The following WHRN variants were observed in gnomAD, a reference collection of about 807,000 sequenced individuals.
WHRN encodes whirlin.
In WHRN, 41 loss-of-function variants were observed where a neutral mutation model predicts 68.3. The ratio of observed to expected loss-of-function variants is 0.60; its 90% CI spans 0.47 to 0.78. The LOEUF is 0.78. WHRN is among the 30% of genes least tolerant of loss of function. The pLI, the probability that WHRN is intolerant of heterozygous loss-of-function variation, is 0.00. For missense variants in WHRN, 1,243 were observed against 1,244.7 expected (o/e 1.00, Z 0.02); for synonymous variants, 560 against 561.3 (o/e 1.00, Z 0.03).
In WHRN at chr9:114,406,358, G is replaced by A. The variant is rs760384450; in HGVS notation, c.2233C>T (p.Arg745Cys). 30 of 1,613,912 alleles carry A rather than the reference G, an allele frequency of 1.9e-5. No homozygotes were observed. The highest frequency in any genetic ancestry group is 1.6e-4 in the Middle Eastern group (1 of 6,084). Residue 745 changes from arginine to cysteine, a missense_variant, in exon 9 of 12, where the codon CGC becomes TGC. By Grantham distance (180) the Arg-to-Cys change is radical. Transcript: ENST00000362057. ...VNEVRALPQT[R>C]TASTLSQLSD... ...AGCCTGGCCTTGCTGTACTCACTGC[G>A]CGTCTGGGGCAGCGCCCTCACTTCA...
intron 7 of WHRN, among the ~76,000 whole-genome samples, chr9:114,423,026 C>CA (rs1564132945): frequency 6.8e-6 from 1 of 147,838 alleles, no homozygotes; most frequent in Non-Finnish European, 1.5e-5. Context: ...AATTTACCTA[C>CA]TTTTTTTTTT....
intron 2 of WHRN, among the ~76,000 whole-genome samples, chr9:114,476,658 A>G (rs927496722): frequency 1.3e-5 from 2 of 152,106 alleles, no homozygotes; most frequent in Admixed American, 6.5e-5. Flanking sequence ...ATGCTTCCCA[A>G]GAGCAGGGCC....
intron 2 of WHRN, among the ~76,000 whole-genome samples, chr9:114,466,762 G>A (rs1350584844): frequency 2.0e-5 from 3 of 152,120 alleles, no homozygotes; most frequent in Non-Finnish European, 2.9e-5. Context: ...CAGTCGGGGG[G>A]TGACTGTTCG....
chr9:114,407,516 C>T (rs1254196961), intron 8 of WHRN, among the ~76,000 whole-genome samples: 1 of 152,222 alleles, frequency 6.6e-6, no homozygotes, highest in Non-Finnish European at 1.5e-5. Flanking sequence ...CTACCACTCC[C>T]CTCTGCCTAG....
chr9:114,432,429 C>T (rs1837502211), intron 3 of WHRN, among the ~76,000 whole-genome samples: 1 of 152,224 alleles, frequency 6.6e-6, no homozygotes, highest in Non-Finnish European at 1.5e-5. Flanking sequence ...AAAATAATTT[C>T]ATTGTTCTAA....
chr9:114,469,213 C>T (rs1223454384), intron 2 of WHRN, among the ~76,000 whole-genome samples: 1 of 152,210 alleles, frequency 6.6e-6, no homozygotes, highest in Non-Finnish European at 1.5e-5. Flanking sequence ...ACCTGGAAAG[C>T]AGGTGTGGCC....
Position 114,504,765 on chromosome 9 carries a change from A to G in WHRN, c.37T>C (p.Ser13Pro). 6.7e-7 allele frequency: 1 copy of G among 1,501,406 alleles called. No individual in the cohort carries two copies. The highest frequency in any genetic ancestry group is 1.3e-5 in the South Asian group (1 of 79,014). The allele number at this position is 1,501,406 out of a possible 1,614,324, so 93.0% of individuals were successfully genotyped here. A position where few individuals can be genotyped will look rare whatever the true frequency, so the allele number is the denominator to read the frequency against. The part of the protein sequence containing the change: ...APLDGLSVSS[S>P]STGSLGSAAG... ...GCCGAGCCCAGCGAGCCGGTGGAGG[A>G]CGAGCTCACCGACAGGCCGTCCAGC... The change falls in exon 1 of 12, where the codon TCC becomes CCC. Residue 13 changes from serine (S) to proline (P), a missense_variant. Ser to Pro is a moderately conservative substitution (Grantham distance 74). Coordinates refer to ENST00000362057, the MANE Select transcript of WHRN (RefSeq NM_015404.4).
intron 3 of WHRN, among the ~76,000 whole-genome samples, chr9:114,457,104 C>T (rs1470121731): frequency 9.9e-5 from 15 of 152,072 alleles, no homozygotes; most frequent in Admixed American, 9.8e-4. Context: ...AGTCATTATA[C>T]ATATTTACTG....
chr9:114,452,216 T>C (rs1451701685), intron 3 of WHRN, among the ~76,000 whole-genome samples: 2 of 152,362 alleles, frequency 1.3e-5, no homozygotes, highest in Non-Finnish European at 2.9e-5. Flanking sequence ...TTCACCATGC[T>C]TTTACTTAAA....
At chr9:114,452,412 G>A (rs1294026928) in intron 3 of WHRN, among the ~76,000 whole-genome samples, 1 of 152,242 alleles carries the variant, frequency 6.6e-6, no homozygotes. Context: ...GGGTTATAGG[G>A]CTAACAAGGA....
chr9:114,503,190 C>A, intron 1 of WHRN: 1 of 985,528 alleles, frequency 1.0e-6, no homozygotes, highest in South Asian at 4.7e-5. Context: ...GCCAGCAGGC[C>A]CTCAGCTGGA....
intron 1 of WHRN, among the ~76,000 whole-genome samples, chr9:114,502,791 T>C (rs1012966322): frequency 6.6e-6 from 1 of 152,192 alleles, no homozygotes; most frequent in African/African-American, 2.4e-5. Context: ...CAAGTATCTT[T>C]AGTGCATAAA....
intron 2 of WHRN, among the ~76,000 whole-genome samples, chr9:114,477,239 G>A (rs1340583193): frequency 6.6e-6 from 1 of 152,244 alleles, no homozygotes. Flanking sequence ...ACAGGAAAAG[G>A]AGAGCTGAGA....
chr9:114,460,276 C>A (rs1840136615), intron 3 of WHRN, among the ~76,000 whole-genome samples: 1 of 152,170 alleles, frequency 6.6e-6, no homozygotes, highest in Non-Finnish European at 1.5e-5. Flanking sequence ...GTACTAGATC[C>A]CTGTGTAATC....
intron 3 of WHRN, among the ~76,000 whole-genome samples, chr9:114,433,764 G>A (rs934149573): frequency 1.3e-5 from 2 of 152,128 alleles, no homozygotes; most frequent in Non-Finnish European, 2.9e-5. Flanking sequence ...GCTGGGTCTG[G>A]GTGAGCTCTT....
chr9:114,475,503 G>T (rs1444843464), intron 2 of WHRN, among the ~76,000 whole-genome samples: 1 of 152,154 alleles, frequency 6.6e-6, no homozygotes, highest in Admixed American at 6.5e-5. Context: ...CCTGAAAAGG[G>T]CTATAAAACT....
chr9:114,413,206 G>A (rs542279082), intron 7 of WHRN, among the ~76,000 whole-genome samples: 1 of 152,366 alleles, frequency 6.6e-6, no homozygotes, highest in African/African-American at 2.4e-5. Flanking sequence ...AAGGCAGAGG[G>A]AGAAAGAGAT....
chr9:114,409,031 T>C (rs1835238697), intron 7 of WHRN, among the ~76,000 whole-genome samples: 1 of 152,248 alleles, frequency 6.6e-6, no homozygotes, highest in African/African-American at 2.4e-5. Flanking sequence ...CCAGCTTCCC[T>C]GGGCCTCCGA....
chr9:114,429,491 A>C (rs1409925314), intron 3 of WHRN, among the ~76,000 whole-genome samples: 1 of 152,138 alleles, frequency 6.6e-6, no homozygotes, highest in East Asian at 1.9e-4. Context: ...CAAATACCTA[A>C]AGTCAGCAGC....
Sources: allele counts gnomAD v4.1 joint callset (sites outside exome capture counted in the v4.1 genomes callset), GRCh38; gene constraint gnomAD v4.1.1; transcripts MANE v1.5; gene names NCBI Gene and HGNC (gene_info 2026-07-23, HGNC 2026-07-21).